Variants in METTL22 observed in about 807,000 individuals in gnomAD.
The protein encoded by METTL22 is methyltransferase 22, Kin17 lysine.
METTL22 carries 51 observed loss-of-function variants against 48.4 expected under a neutral mutation model. That is an observed-to-expected ratio of 1.05 (90% CI 0.84 to 1.33). METTL22 has a LOEUF of 1.33. METTL22 is among the 40% of genes most tolerant of loss of function. The probability of loss-of-function intolerance (pLI) is 0.00; values close to 1 mark genes in which losing one functional copy is unlikely to be tolerated. For missense variants in METTL22, 678 were observed against 526.9 expected, an observed-to-expected ratio of 1.29 and a Z score of -2.81; for synonymous variants, 255 against 214.1, an observed-to-expected ratio of 1.19 and a Z score of -1.67.
At chr16:8,643,462 C>A (rs1048287163) in intron 9 of METTL22, among the ~76,000 whole-genome samples, 3 of 152,206 alleles carry the variant, frequency 2.0e-5, no homozygotes, top group Non-Finnish European at 4.4e-5. Context: ...CACACACTGA[C>A]ATTTCCAGCT....
In METTL22 at chr16:8,629,045, C is replaced by A. The variant is rs752114474; in HGVS notation, c.449C>A (p.Ala150Glu). The change falls in exon 3 of 11, where the codon GCA becomes GAA. Residue 150 changes from alanine (A) to glutamate (E), a missense_variant. Transcript: ENST00000381920. ...GACAAGGTACATCCCATGATTCTAG[C>A]ACAGGAAGAAGACGACGTCCTGGGA... ...LRDKVHPMILAQEEDDVLGEE... is the reference protein window; with the variant it reads ...LRDKVHPMILEQEEDDVLGEE... The A allele has an allele frequency of 6.2e-7, 1 of 1,614,010 alleles. No individual in the cohort carries two copies. The highest frequency in any genetic ancestry group is 1.1e-5 in the South Asian group (1 of 91,080).
In METTL22 at chr16:8,628,930, G is replaced by A. The variant is rs2056158280; in HGVS notation, c.334G>A (p.Ala112Thr). 1 of 1,613,944 alleles carries A rather than the reference G, an allele frequency of 6.2e-7. No homozygotes were observed. The highest frequency in any genetic ancestry group is 1.3e-5 in the African/African-American group (1 of 74,904). The change falls in exon 3 of 11, where the codon GCT (alanine) becomes ACT (threonine). Residue 112 changes from alanine (A) to threonine (T), a missense_variant. Coordinates refer to ENST00000381920, the MANE Select transcript of METTL22 (RefSeq NM_024109.4). ...GACTGACACCACTGGCCAGGAAGTG[G>A]CTGAAGCTCAGCTGGATGAGGATGG... Reference protein sequence around the residue: ...AGTDTTGQEVAEAQLDEDGDL... With the variant: ...AGTDTTGQEVTEAQLDEDGDL...
At chr16:8,629,144 C>A in intron 3 of METTL22, 34 bp downstream of exon 3, 2 of 1,591,602 alleles carry the variant, frequency 1.3e-6, no homozygotes, top group South Asian at 1.1e-5. Flanking sequence ...CACCTGTCAC[C>A]AAGGCAACTC....
Position 8,642,543 on chromosome 16 carries a change from G to A in METTL22, c.988G>A (p.Ala330Thr). The A allele has an allele frequency of 6.2e-7, 1 of 1,614,236 alleles. No individual in the cohort carries two copies. Among genetic ancestry groups the A allele is most frequent in the Non-Finnish European group, 8.5e-7 (1 of 1,180,048 alleles). ...LAHRLKNACTAILSVEKRLNF... is the reference protein window; with the variant it reads ...LAHRLKNACTTILSVEKRLNF... ...CCACAGATTGAAAAATGCCTGCACAGCCATACTGTCGGTGGAGAAGAGGTG... is the reference window on the plus strand; with the variant it reads ...CCACAGATTGAAAAATGCCTGCACAACCATACTGTCGGTGGAGAAGAGGTG... The change falls in exon 9 of 11, where the codon GCC becomes ACC. Residue 330 changes from alanine (A) to threonine (T), a missense_variant. By Grantham distance (58) the Ala-to-Thr change is moderately conservative (BLOSUM62 0). Coordinates refer to ENST00000381920, the MANE Select transcript of METTL22 (RefSeq NM_024109.4).
At chr16:8,645,896 TCATC>T (rs2056770993) in intron 10 of METTL22, 17 of 975,736 alleles carry the variant, frequency 1.7e-5, no homozygotes, top group Non-Finnish European at 1.9e-5. Context: ...TGCTGGGACT[TCATC>T]CATCCAGCCT....
intron 5 of METTL22, among the ~76,000 whole-genome samples, chr16:8,636,301 G>A (rs2056419285): frequency 1.3e-5 from 2 of 152,180 alleles, no homozygotes; most frequent in Admixed American, 6.5e-5. Flanking sequence ...TTGGGAGGCT[G>A]AGGCAGGCAG....
rs2056015483 is a variant in METTL22, at chr16:8,625,510, C to G, written c.-156C>G. On this transcript the variant is annotated 5_prime_UTR_variant, in exon 2 of 11. Coordinates refer to ENST00000381920, the MANE Select transcript of METTL22 (RefSeq NM_024109.4). ...TTAATTTCCAGCTGGATTCTCTTCC[C>G]TGGCCAAGTCTCTGAGATCTTCTCC... 2 of 531,192 alleles carry G rather than the reference C, an allele frequency of 3.8e-6. No individual in the cohort carries two copies. Among genetic ancestry groups the G allele is most frequent in the Admixed American group, 3.7e-5 (1 of 27,090 alleles). 32.9% of individuals were successfully genotyped at this position (531,192 alleles called of 1,614,324 possible).
In METTL22 at chr16:8,646,704, C is replaced by A. The variant is rs771057836; in HGVS notation, c.*561C>A. 9.7e-5 allele frequency: 44 copies of A among 455,288 alleles called. 1 individual carries two copies. In the Admixed American group the frequency reaches 9.9e-4, roughly 10 times the overall value. The allele number at this position is 455,288 out of a possible 1,614,324, so 28.2% of individuals were successfully genotyped here. ...TTGGCCTTTGTATTTAATTTTAACT[C>A]TTTATCACCCAAATCAGGTACGTTT... is the stretch of plus-strand genomic sequence containing the variant. On this transcript the variant is annotated 3_prime_UTR_variant, in exon 11 of 11. Coordinates refer to ENST00000381920, the MANE Select transcript of METTL22 (RefSeq NM_024109.4).
At chr16:8,632,775 CT>C (rs1345456211) in intron 3 of METTL22, among the ~76,000 whole-genome samples, 1 of 152,208 alleles carries the variant, frequency 6.6e-6, no homozygotes, top group Non-Finnish European at 1.5e-5. Flanking sequence ...AGTTAAGTGA[CT>C]TGTCACCCAG....
In METTL22 at chr16:8,628,781, C is replaced by G; in HGVS notation, c.185C>G (p.Ser62Ter). 1 of 1,614,178 alleles carries G rather than the reference C, an allele frequency of 6.2e-7. No individual in the cohort carries two copies. The highest frequency in any genetic ancestry group is 8.5e-7 in the Non-Finnish European group (1 of 1,180,020). The change falls in exon 3 of 11, where the codon TCA (serine) becomes TGA (stop). Residue 62 changes from serine (S) to a stop codon, truncating the protein, a stop_gained. Transcript: ENST00000381920. LOFTEE classifies it high-confidence loss of function. ...LLWSQDSWTD[S>*]GAKGGSHRDV... ...TGGAGCCAAGACTCTTGGACAGATT[C>G]AGGAGCCAAGGGTGGCAGTCACAGA...
chr16:8,653,625 T>C (rs112978276), downstream of METTL22, among the ~76,000 whole-genome samples: 99 of 152,364 alleles, frequency 6.5e-4, no homozygotes, highest in Non-Finnish European at 1.1e-3. Flanking sequence ...AGATGCCTGG[T>C]TGAAGTGGAT....
the METTL22 span, among the ~76,000 whole-genome samples, chr16:8,656,478 T>A: frequency 6.6e-6 from 1 of 152,210 alleles, no homozygotes; most frequent in Admixed American, 6.5e-5. Context: ...GCACAGCCAC[T>A]AGGCAAAACC....
chr16:8,634,431 C>T (rs1731047), intron 3 of METTL22, among the ~76,000 whole-genome samples: 150,395 of 152,244 alleles, frequency 0.99, 74,316 homozygotes, highest in Middle Eastern at 1. Flanking sequence ...CATTGTGTTC[C>T]CCCCTCCACC....
rs2056849980 is a variant in METTL22, at chr16:8,648,880, T to A, written c.*2737T>A. On this transcript the variant is annotated 3_prime_UTR_variant, in exon 11 of 11. Coordinates refer to ENST00000381920, the MANE Select transcript of METTL22 (RefSeq NM_024109.4). ...TGGGTGATTTGTGTGCACAGTAGTT[T>A]GAGAAGCTCTGGGGCCTACCACATA... 6.6e-6 allele frequency: 1 copy of A among 152,280 alleles called. No homozygotes were observed. The highest frequency in any genetic ancestry group is 2.4e-5 in the African/African-American group (1 of 41,476). The allele number at this position is 152,280 out of a possible 1,614,324, so 9.4% of individuals were successfully genotyped here. A position where few individuals can be genotyped will look rare whatever the true frequency, so the allele number is the denominator to read the frequency against.
intron 9 of METTL22, among the ~76,000 whole-genome samples, chr16:8,643,463 A>G (rs2056686521): frequency 6.6e-6 from 1 of 152,198 alleles, no homozygotes; most frequent in Admixed American, 6.5e-5. Context: ...ACACACTGAC[A>G]TTTCCAGCTT....
chr16:8,641,220 C>G lies in METTL22; in HGVS notation c.826+36C>G, dbSNP rs200811815. 19 of 1,608,506 alleles carry G rather than the reference C, an allele frequency of 1.2e-5. No homozygotes were observed. In the African/African-American group the frequency reaches 2.3e-4, roughly 19 times the overall value. On this transcript the variant is annotated intron_variant, in intron 7 of 10. Coordinates refer to ENST00000381920, the MANE Select transcript of METTL22 (RefSeq NM_024109.4). ...CTCTCGGACGTCCCCCAGTATGATTCAGTGATTCCTTTGTAATACCTCAGT... is the reference window on the plus strand; with the variant it reads ...CTCTCGGACGTCCCCCAGTATGATTGAGTGATTCCTTTGTAATACCTCAGT...
At chr16:8,645,532 C>G (rs559042643) in intron 10 of METTL22, among the ~76,000 whole-genome samples, 64 of 152,284 alleles carry the variant, frequency 4.2e-4, no homozygotes, top group Admixed American at 9.2e-4. Context: ...TCCCAGCACT[C>G]TGGGAGGCCA....
downstream of METTL22, among the ~76,000 whole-genome samples, chr16:8,653,246 G>A (rs1310476733): frequency 6.6e-6 from 1 of 152,172 alleles, no homozygotes; most frequent in African/African-American, 2.4e-5. Flanking sequence ...TGACAGTTTT[G>A]TGAATTTTAA....
At position 8,646,751 on chromosome 16, in the gene METTL22, CTT is replaced by C; in HGVS notation, c.*610_*611del. On this transcript the variant is annotated 3_prime_UTR_variant, in exon 11 of 11. Coordinates refer to ENST00000381920, the MANE Select transcript of METTL22 (RefSeq NM_024109.4). ...GTTTGGAATAAACCTAAGAGCCACTCTTTGGGGTCATGTGCAGCTGACCAGGG... is the reference window on the plus strand; with the variant it reads ...GTTTGGAATAAACCTAAGAGCCACTCTGGGGTCATGTGCAGCTGACCAGGG... The C allele has an allele frequency of 2.3e-6, 1 of 443,404 alleles. No individual in the cohort carries two copies. Among genetic ancestry groups the C allele is most frequent in the Non-Finnish European group, 4.6e-6 (1 of 217,602 alleles). The allele number at this position is 443,404 out of a possible 1,614,324, so 27.5% of individuals were successfully genotyped here.
Sources: allele counts gnomAD v4.1 joint callset (sites outside exome capture counted in the v4.1 genomes callset), GRCh38; gene constraint gnomAD v4.1.1; transcripts MANE v1.5; gene names NCBI Gene and HGNC (gene_info 2026-07-23, HGNC 2026-07-21).